Variants in STON1 observed in about 807,000 individuals in gnomAD.
The protein encoded by STON1 is stonin-1.
Under a neutral mutation model 60.9 loss-of-function variants are expected in STON1, and 79 were observed. The observed-to-expected ratio is 1.30, with a 90% CI of 1.08 to 1.56. The LOEUF (loss-of-function observed/expected upper bound fraction) is 1.56. STON1 is among the 40% of genes most tolerant of loss of function. The probability of loss-of-function intolerance (pLI) is 0.00; values close to 1 mark genes in which losing one functional copy is unlikely to be tolerated. For missense variants in STON1, 1,166 were observed against 858.9 expected, an observed-to-expected ratio of 1.36 and a Z score of -4.47; for synonymous variants, 363 against 306.9, an observed-to-expected ratio of 1.18 and a Z score of -1.91.
chr2:48,565,349 G>C (rs986693064), intron 1 of STON1, among the ~76,000 whole-genome samples: 5 of 152,152 alleles, frequency 3.3e-5, no homozygotes, highest in African/African-American at 1.2e-4. Context: ...ACCGCGCCCA[G>C]CCTCCGACTT....
chr2:48,594,410 G>C (rs769547543), intron 3 of STON1, among the ~76,000 whole-genome samples: 1 of 152,086 alleles, frequency 6.6e-6, no homozygotes, highest in Non-Finnish European at 1.5e-5. Flanking sequence ...TGTGCACCTG[G>C]TGGCAGTTTC....
At position 48,546,551 on chromosome 2, in the gene STON1, G is replaced by A. The variant is rs12990967; in HGVS notation, c.-48+16335G>A. Among the ~76,000 whole-genome samples, 734 of 152,310 alleles carry A rather than the reference G, an allele frequency of 4.8e-3. 4 individuals carry two copies. The highest frequency in any genetic ancestry group is 6.7e-3 in the Non-Finnish European group (458 of 68,024). ...CCTGCCAATCTTGATTAGGCATCTG[G>A]CTTTGTGTCCCACAGAACACTGGAT... On this transcript the variant is annotated intron_variant, in intron 1 of 3. Coordinates refer to ENST00000404752, the MANE Select transcript of STON1 (RefSeq NM_006873.4).
chr2:48,574,095 G>A (rs1171080839), intron 1 of STON1, among the ~76,000 whole-genome samples: 1 of 151,960 alleles, frequency 6.6e-6, no homozygotes, highest in Non-Finnish European at 1.5e-5. Context: ...GTGGAATTTG[G>A]CCAGGTGCAG....
chr2:48,564,422 C>A (rs1042385184), intron 1 of STON1, among the ~76,000 whole-genome samples: 1 of 41,234 alleles, frequency 2.4e-5, no homozygotes, highest in Non-Finnish European at 5.5e-5. Flanking sequence ...TCTTCTTCTT[C>A]TTCTTCTTCT....
At chr2:48,577,575 C>T (rs530594183) in intron 1 of STON1, among the ~76,000 whole-genome samples, 168 of 144,868 alleles carry the variant, frequency 1.2e-3, no homozygotes, top group African/African-American at 4.0e-3. Flanking sequence ...AGCGAGACTC[C>T]GTCTCATAAA....
intron 1 of STON1, among the ~76,000 whole-genome samples, chr2:48,558,924 C>G (rs1447808072): frequency 2.0e-5 from 3 of 152,132 alleles, no homozygotes; most frequent in Non-Finnish European, 4.4e-5. Flanking sequence ...GTTGAGTGTC[C>G]CTAATCCAAA....
intron 1 of STON1, among the ~76,000 whole-genome samples, chr2:48,555,489 C>T (rs1195225887): frequency 1.7e-4 from 15 of 88,658 alleles, no homozygotes; most frequent in African/African-American, 6.8e-4. Flanking sequence ...GGCGGCTGGC[C>T]GGGTGGGGGG....
At chr2:48,578,879 C>G (rs2103904301) in intron 1 of STON1, among the ~76,000 whole-genome samples, 1 of 152,098 alleles carries the variant, frequency 6.6e-6, no homozygotes, top group Non-Finnish European at 1.5e-5. Context: ...GCGTGAGCCA[C>G]TGTGCCTGGC....
At chr2:48,569,225 T>A (rs556328727) in intron 1 of STON1, 77 of 152,358 alleles carry the variant, frequency 5.1e-4, no homozygotes, top group African/African-American at 1.8e-3. Context: ...ACATAGTTAT[T>A]TGATAAATGT....
intron 1 of STON1, among the ~76,000 whole-genome samples, chr2:48,578,419 C>CT (rs979616409): frequency 3.3e-5 from 5 of 151,814 alleles, no homozygotes; most frequent in Non-Finnish European, 7.4e-5. Context: ...ACATGAGATC[C>CT]TTTTTTTTCT....
chr2:48,540,112 C>T (rs1040636615), intron 1 of STON1, among the ~76,000 whole-genome samples: 3 of 152,128 alleles, frequency 2.0e-5, no homozygotes, highest in African/African-American at 4.8e-5. Context: ...ACCTAACTTC[C>T]ACTTCCCTCT....
At chr2:48,547,329 T>G (rs746782945) in intron 1 of STON1, among the ~76,000 whole-genome samples, 1 of 152,238 alleles carries the variant, frequency 6.6e-6, no homozygotes. Context: ...GGACTCTGAT[T>G]TTTAGGCCTC....
chr2:48,539,044 A>T (rs1671549047), intron 1 of STON1, among the ~76,000 whole-genome samples: 1 of 151,978 alleles, frequency 6.6e-6, no homozygotes, highest in Non-Finnish European at 1.5e-5. Flanking sequence ...CAGCCTCCCT[A>T]GTAGCTGAGA....
chr2:48,593,393 G>T (rs544297391), intron 3 of STON1, among the ~76,000 whole-genome samples: 4 of 152,296 alleles, frequency 2.6e-5, no homozygotes, highest in South Asian at 2.1e-4. Context: ...GGGATTAGAG[G>T]TGTGAGCCAC....
chr2:48,570,523 G>A (rs1673149402), intron 1 of STON1, among the ~76,000 whole-genome samples: 1 of 152,050 alleles, frequency 6.6e-6, no homozygotes, highest in Non-Finnish European at 1.5e-5. Flanking sequence ...GCTAAATTCT[G>A]GGTACATCCA....
At chr2:48,565,317 G>A (rs1287260627) in intron 1 of STON1, among the ~76,000 whole-genome samples, 1 of 152,106 alleles carries the variant, frequency 6.6e-6, no homozygotes, top group African/African-American at 2.4e-5. Flanking sequence ...CTCCCAAAGT[G>A]CCAGGATTAC....
At chr2:48,575,575 C>T (rs992227007) in intron 1 of STON1, among the ~76,000 whole-genome samples, 4 of 151,916 alleles carry the variant, frequency 2.6e-5, no homozygotes, top group African/African-American at 9.7e-5. Context: ...ATCACTTGAA[C>T]CCGGGAGGCA....
At chr2:48,562,663 C>T (rs769373070) in intron 1 of STON1, among the ~76,000 whole-genome samples, 18 of 152,216 alleles carry the variant, frequency 1.2e-4, no homozygotes, top group Non-Finnish European at 1.8e-4. Flanking sequence ...TGCTAAATCT[C>T]TGTGCTCTTC....
At chr2:48,578,409 A>G (rs1391042066) in intron 1 of STON1, among the ~76,000 whole-genome samples, 8 of 152,104 alleles carry the variant, frequency 5.3e-5, no homozygotes, top group Admixed American at 1.3e-4. Context: ...CTTTCTTAAA[A>G]CATGAGATCC....
Sources: allele counts gnomAD v4.1 joint callset (sites outside exome capture counted in the v4.1 genomes callset), GRCh38; gene constraint gnomAD v4.1.1; transcripts MANE v1.5; gene names NCBI Gene and HGNC (gene_info 2026-07-23, HGNC 2026-07-21).